Variants in CACUL1 observed in about 807,000 individuals in gnomAD.
CACUL1 encodes the protein CDK2-associated and cullin domain-containing protein 1.
In CACUL1, 13 loss-of-function variants were observed where a neutral mutation model predicts 45.2. The ratio of observed to expected loss-of-function variants is 0.29; its 90% CI spans 0.19 to 0.46. CACUL1 has a LOEUF of 0.46. CACUL1 is among the 20% of genes least tolerant of loss of function. The pLI, the probability that CACUL1 is intolerant of heterozygous loss-of-function variation, is 1.00. For synonymous variants in CACUL1, 197 were observed against 174.2 expected (o/e 1.13, Z -1.03); for missense variants, 421 against 471.4 (o/e 0.89, Z 0.99).
chr10:118,703,980 C>CTT (rs1418705566), intron 4 of CACUL1, among the ~76,000 whole-genome samples: 2 of 152,032 alleles, frequency 1.3e-5, no homozygotes, highest in Admixed American at 1.3e-4. Flanking sequence ...TCCCCACTTA[C>CTT]TTTTAGCTTA....
intron 4 of CACUL1, among the ~76,000 whole-genome samples, chr10:118,704,308 T>G (rs1845413052): frequency 6.6e-6 from 1 of 152,214 alleles, no homozygotes; most frequent in South Asian, 2.1e-4. Context: ...ACTTCTACAT[T>G]TACTTCAGCT....
chr10:118,703,193 G>T (rs12356677), intron 4 of CACUL1, among the ~76,000 whole-genome samples: 1,717 of 152,194 alleles, frequency 0.011, 18 homozygotes, highest in Middle Eastern at 0.027. Context: ...GCAATAAAGA[G>T]AAGTCTCTCA....
At chr10:118,688,983 T>C (rs1478102642) in intron 7 of CACUL1, among the ~76,000 whole-genome samples, 6 of 152,174 alleles carry the variant, frequency 3.9e-5, no homozygotes, top group Admixed American at 3.3e-4. Flanking sequence ...GATCACTACA[T>C]CACTTAAGTT....
In CACUL1 at chr10:118,754,730, GC is replaced by G; in HGVS notation, c.32del (p.Gly11AlafsTer6). 1 of 1,601,482 alleles carries G rather than the reference GC, an allele frequency of 6.2e-7. No individual in the cohort carries two copies. Among genetic ancestry groups the G allele is most frequent in the Non-Finnish European group, 8.5e-7 (1 of 1,175,296 alleles). Reference protein sequence around the residue: MEESMEEEEGGSYEAMMDDQN... With the variant: MEESMEEEEGXSYEAMMDDQN... Reference sequence around the variant, plus strand: ...GGTCGTCCATCATCGCCTCGTAGCTGCCCCCCTCCTCCTCTTCCATGCTTTC... The same window carrying G: ...GGTCGTCCATCATCGCCTCGTAGCTGCCCCCTCCTCCTCTTCCATGCTTTC... On this transcript the variant is annotated frameshift_variant, in exon 1 of 9. Transcript: ENST00000369151. LOFTEE classifies it high-confidence loss of function.
At chr10:118,754,250 G>A (rs776844950) in intron 1 of CACUL1, 146 bp downstream of exon 1, 8 of 1,225,162 alleles carry the variant, frequency 6.5e-6, no homozygotes, top group Admixed American at 3.1e-5. Flanking sequence ...TGAGGGGGAA[G>A]GAGGCAGGGA....
At chr10:118,712,965 C>A (rs1845505202) in intron 3 of CACUL1, among the ~76,000 whole-genome samples, 1 of 152,220 alleles carries the variant, frequency 6.6e-6, no homozygotes, top group Non-Finnish European at 1.5e-5. Context: ...GGAGGCCTCA[C>A]TGGGGACCTG....
chr10:118,740,944 C>T (rs1293010282), intron 1 of CACUL1, among the ~76,000 whole-genome samples: 1 of 147,386 alleles, frequency 6.8e-6, no homozygotes, highest in African/African-American at 2.5e-5. Flanking sequence ...AAAAAACAAA[C>T]AAAACTGTGA....
chr10:118,691,554 A>G, intron 6 of CACUL1, 151 bp from the exon 7 acceptor site: 1 of 691,872 alleles, frequency 1.4e-6, no homozygotes, highest in South Asian at 1.7e-5. Context: ...GAACATACAA[A>G]GTTAAATTTC....
intron 1 of CACUL1, among the ~76,000 whole-genome samples, chr10:118,750,457 T>C (rs1845887058): frequency 6.6e-6 from 1 of 152,140 alleles, no homozygotes; most frequent in African/African-American, 2.4e-5. Flanking sequence ...CAATTTTAGT[T>C]GCTGTTCCAG....
At chr10:118,741,657 T>G (rs1328583915) in intron 1 of CACUL1, among the ~76,000 whole-genome samples, 1 of 152,220 alleles carries the variant, frequency 6.6e-6, no homozygotes, top group Non-Finnish European at 1.5e-5. Flanking sequence ...TAAAATTGTA[T>G]TTGTTCAATC....
intron 4 of CACUL1, among the ~76,000 whole-genome samples, chr10:118,702,584 CTTT>C (rs35241397): frequency 6.5e-5 from 9 of 138,780 alleles, no homozygotes; most frequent in Middle Eastern, 3.3e-3. Flanking sequence ...TTTCTTTTTT[CTTT>C]TTTTTTTTTT....
chr10:118,680,486 C>T lies in CACUL1; in HGVS notation c.*5642G>A, dbSNP rs1425584778. 2 of 152,052 alleles carry T rather than the reference C, an allele frequency of 1.3e-5. No individual in the cohort carries two copies. Among genetic ancestry groups the T allele is most frequent in the African/African-American group, 2.4e-5 (1 of 41,410 alleles). The allele number at this position is 152,052 out of a possible 1,614,324, so 9.4% of individuals were successfully genotyped here. ...TCTGACAATACTGTAGGAAAGGACA[C>T]CTCTACAGAGATAGCAAGAGAAACT... On this transcript the variant is annotated 3_prime_UTR_variant, in exon 9 of 9. Coordinates refer to ENST00000369151, the MANE Select transcript of CACUL1 (RefSeq NM_153810.5).
intron 4 of CACUL1, among the ~76,000 whole-genome samples, chr10:118,702,610 T>C (rs1845393907): frequency 1.3e-5 from 2 of 151,956 alleles, no homozygotes; most frequent in South Asian, 4.2e-4. Context: ...AGACAGAGTT[T>C]TGTTCTTGTT....
intron 1 of CACUL1, among the ~76,000 whole-genome samples, chr10:118,743,284 G>C (rs1021175772): frequency 3.3e-5 from 5 of 151,866 alleles, no homozygotes; most frequent in African/African-American, 1.2e-4. Context: ...TAGTGGCAGG[G>C]GGGTTCTGAC....
chr10:118,749,754 G>A (rs1437665676), intron 1 of CACUL1, among the ~76,000 whole-genome samples: 1 of 152,184 alleles, frequency 6.6e-6, no homozygotes. Flanking sequence ...AGACAGGAAC[G>A]TCACTATGGT....
intron 4 of CACUL1, among the ~76,000 whole-genome samples, chr10:118,706,763 G>A (rs1304114747): frequency 1.3e-5 from 2 of 152,176 alleles, no homozygotes; most frequent in African/African-American, 4.8e-5. Context: ...GCACTACATG[G>A]TCTTTTGGAA....
intron 1 of CACUL1, among the ~76,000 whole-genome samples, chr10:118,750,263 T>C (rs546725901): frequency 6.6e-6 from 1 of 151,972 alleles, no homozygotes; most frequent in Non-Finnish European, 1.5e-5. Context: ...GAGGCGGAGA[T>C]TGCAGTGAGC....
In CACUL1 at chr10:118,716,305, A is replaced by AT. The variant is rs143046882; in HGVS notation, c.598-8719dup. 5.2e-3 allele frequency among the ~76,000 whole-genome samples: 751 copies of AT among 145,068 alleles called. 3 individuals carry two copies. The highest frequency in any genetic ancestry group is 6.8e-3 in the African/African-American group (268 of 39,542). ...CGTAGAAAATTATTACCATTTTGGTATTTTTTTTTTTTTTCCTGTGTGCAT... is the reference window on the plus strand; with the variant it reads ...CGTAGAAAATTATTACCATTTTGGTATTTTTTTTTTTTTTTCCTGTGTGCAT... On this transcript the variant is annotated intron_variant, in intron 3 of 8. Transcript: ENST00000369151.
At chr10:118,701,577 T>C (rs868565608) in intron 4 of CACUL1, among the ~76,000 whole-genome samples, 169 bp from the exon 5 acceptor site, 11 of 152,208 alleles carry the variant, frequency 7.2e-5, no homozygotes, top group African/African-American at 2.7e-4. Flanking sequence ...CTTGTCTTTC[T>C]GGCACGGGGT....
Sources: gnomAD v4.1 joint callset for allele counts (sites outside exome capture counted in the v4.1 genomes callset) on GRCh38, gnomAD v4.1.1 for gene constraint, MANE v1.5 for transcripts, NCBI Gene and HGNC (gene_info 2026-07-23, HGNC 2026-07-21) for gene names.